The following RBFOX3 variants were observed in gnomAD, a reference collection of about 807,000 sequenced individuals.
RBFOX3 encodes the protein RNA binding fox-1 homolog 3.
A neutral mutation model predicts 48.7 loss-of-function variants in RBFOX3; 17 were observed. That is an observed-to-expected ratio of 0.35 (90% CI 0.24 to 0.52). The LOEUF (loss-of-function observed/expected upper bound fraction) is 0.52. Among genes scored for constraint, RBFOX3 ranks in the 20% least tolerant of loss-of-function variants. The probability of loss-of-function intolerance (pLI) is 0.94; values close to 1 mark genes in which losing one functional copy is unlikely to be tolerated. For missense variants in RBFOX3, 382 were observed against 497.5 expected (o/e 0.77, Z 2.21); for synonymous variants, 212 against 209.5 (o/e 1.01, Z -0.10).
chr17:79,614,096 C>T (rs2093984891), upstream of RBFOX3, among the ~76,000 whole-genome samples: 1 of 152,230 alleles, frequency 6.6e-6, no homozygotes, highest in Non-Finnish European at 1.5e-5. Flanking sequence ...CCCGCCCTCA[C>T]GGAGCTGAGT....
chr17:79,430,236 T>C (rs1343371486), intron 2 of RBFOX3, among the ~76,000 whole-genome samples: 1 of 151,480 alleles, frequency 6.6e-6, no homozygotes, highest in African/African-American at 2.4e-5. Flanking sequence ...CAAGAAAAAT[T>C]CTTAGGAGAG....
intron 1 of RBFOX3, among the ~76,000 whole-genome samples, chr17:79,610,096 C>G (rs1351806120): frequency 3.3e-5 from 5 of 152,156 alleles, no homozygotes; most frequent in Admixed American, 3.3e-4. Flanking sequence ...AGCCCGCCCC[C>G]TGTAGGGCCC....
At chr17:79,182,213 A>G (rs892417788) in intron 4 of RBFOX3, among the ~76,000 whole-genome samples, 1 of 152,150 alleles carries the variant, frequency 6.6e-6, no homozygotes, top group African/African-American at 2.4e-5. Context: ...AGGCCCCAGG[A>G]TGAGCCTGAA....
intron 1 of RBFOX3, among the ~76,000 whole-genome samples, chr17:79,609,296 C>G (rs1351925428): frequency 1.3e-5 from 2 of 152,200 alleles, no homozygotes; most frequent in African/African-American, 4.8e-5. Flanking sequence ...CTGCTCCACG[C>G]TAAGTGCCCG....
At chr17:79,637,123 C>G in the RBFOX3 span, among the ~76,000 whole-genome samples, 1 of 152,088 alleles carries the variant, frequency 6.6e-6, no homozygotes, top group Non-Finnish European at 1.5e-5. Flanking sequence ...AGTCTATATG[C>G]ACTCAACATC....
At position 79,242,021 on chromosome 17, in the gene RBFOX3, C is replaced by T. The variant is rs375330937; in HGVS notation, c.-73-6216G>A. Among the ~76,000 whole-genome samples, 194 of 152,372 alleles carry T rather than the reference C, an allele frequency of 1.3e-3. 1 individual carries two copies. Among genetic ancestry groups the T allele is most frequent in the Non-Finnish European group, 1.9e-3 (126 of 68,038 alleles). On this transcript the variant is annotated intron_variant, in intron 3 of 14. Coordinates refer to ENST00000693108, the MANE Select transcript of RBFOX3 (RefSeq NM_001350451.2). This position sits in a 1 kb window ranked among gnomAD's most constrained non-coding sequence, Gnocchi z 5.8. ...TTTAGTGCAGCACACACAGCTTCCACGTATTCACTCGATTCTTTGCTTTCT... is the reference window on the plus strand; with the variant it reads ...TTTAGTGCAGCACACACAGCTTCCATGTATTCACTCGATTCTTTGCTTTCT...
rs200919607 is a variant in RBFOX3, at chr17:79,343,524, AAAAC to A, written c.-174-35704_-174-35701del. 4.2e-3 allele frequency among the ~76,000 whole-genome samples: 637 copies of A among 152,208 alleles called. 5 individuals are homozygous for A. The highest frequency in any genetic ancestry group is 0.014 in the African/African-American group (592 of 41,524). The stretch of plus-strand genomic sequence containing the variant: ...AGAGTGAGACTCGGTCTCAAAAGAA[AAAAC>A]AAACAAACAAACAAAAAAACCCAAA... On this transcript the variant is annotated intron_variant, in intron 2 of 14. Transcript: ENST00000693108.
chr17:79,539,087 C>T (rs1292955231), intron 1 of RBFOX3, among the ~76,000 whole-genome samples: 2 of 152,202 alleles, frequency 1.3e-5, no homozygotes, highest in African/African-American at 2.4e-5. Flanking sequence ...TGTGGTGGCT[C>T]ATGCCTGTAA....
chr17:79,097,533 C>G, intron 10 of RBFOX3, 109 bp from the exon 11 acceptor site: 1 of 1,423,300 alleles, frequency 7.0e-7, no homozygotes, highest in Non-Finnish European at 9.3e-7. Context: ...AACCCCTCCC[C>G]AAGCCCCGCC....
chr17:79,360,813 C>A (rs2086184280), intron 2 of RBFOX3, among the ~76,000 whole-genome samples: 2 of 142,002 alleles, frequency 1.4e-5, no homozygotes, highest in African/African-American at 5.4e-5. Context: ...AAAAATTGCT[C>A]TGGATCAAAT....
intron 1 of RBFOX3, among the ~76,000 whole-genome samples, chr17:79,545,936 CTGTGTGTGTGTGCACG>C (rs1311072000): frequency 3.3e-5 from 5 of 152,298 alleles, no homozygotes; most frequent in East Asian, 3.9e-4. Flanking sequence ...ATTGGAAAGA[CTGTGTGTGTGTGCACG>C]TGTGTGCGTG....
intron 2 of RBFOX3, among the ~76,000 whole-genome samples, chr17:79,359,624 C>T (rs2085901990): frequency 6.6e-6 from 1 of 152,144 alleles, no homozygotes; most frequent in African/African-American, 2.4e-5. Flanking sequence ...CCTCTCCACC[C>T]CGACTAAGGC....
the RBFOX3 span, among the ~76,000 whole-genome samples, chr17:79,616,061 A>T: frequency 6.6e-6 from 1 of 152,228 alleles, no homozygotes; most frequent in Admixed American, 6.5e-5. Flanking sequence ...GAGGAAAGCA[A>T]GAGATCAGGG....
chr17:79,656,654 A>AGAAGGAAGGAG, the RBFOX3 span, among the ~76,000 whole-genome samples: 1,007 of 131,578 alleles, frequency 7.7e-3, 24 homozygotes, highest in African/African-American at 0.012. Flanking sequence ...GAAGAAAGAA[A>AGAAGGAAGGAG]GGAAGAGAAG....
chr17:79,315,664 G>A (rs910428819), intron 2 of RBFOX3, among the ~76,000 whole-genome samples: 6 of 152,240 alleles, frequency 3.9e-5, no homozygotes, highest in Non-Finnish European at 8.8e-5. Flanking sequence ...ATTACTCAAG[G>A]AAAGGGACCC....
chr17:79,370,675 T>C (rs368781062), intron 2 of RBFOX3, among the ~76,000 whole-genome samples: 8 of 150,938 alleles, frequency 5.3e-5, no homozygotes, highest in African/African-American at 1.5e-4. Flanking sequence ...GGCACACACA[T>C]GTACACATCT....
chr17:79,549,773 T>C (rs563620931), intron 1 of RBFOX3, among the ~76,000 whole-genome samples: 3 of 152,334 alleles, frequency 2.0e-5, no homozygotes, highest in Admixed American at 6.5e-5. Flanking sequence ...AATATCACAA[T>C]GGAGAGGGCT....
chr17:79,474,724 C>G (rs950200798), intron 2 of RBFOX3, among the ~76,000 whole-genome samples: 1 of 152,170 alleles, frequency 6.6e-6, no homozygotes, highest in Non-Finnish European at 1.5e-5. Flanking sequence ...CAGCCCTGGA[C>G]TCTTACCTCC....
chr17:79,350,709 G>T (rs564096563), intron 2 of RBFOX3, among the ~76,000 whole-genome samples: 4 of 152,214 alleles, frequency 2.6e-5, no homozygotes, highest in Non-Finnish European at 5.9e-5. Flanking sequence ...CTGGTGCTCT[G>T]CAGGGAAGAT....
Sources: gnomAD v4.1 joint callset for allele counts (sites outside exome capture counted in the v4.1 genomes callset) on GRCh38, gnomAD v4.1.1 for gene constraint, Gnocchi (gnomAD v3.1) non-coding constraint, MANE v1.5 for transcripts, NCBI Gene and HGNC (gene_info 2026-07-23, HGNC 2026-07-21) for gene names.